Variants in PHF21A observed in about 807,000 individuals in gnomAD.
The protein encoded by PHF21A is BHC80a.
A neutral mutation model predicts 82.5 loss-of-function variants in PHF21A; 11 were observed. The ratio of observed to expected loss-of-function variants is 0.13; its 90% CI spans 0.08 to 0.22. The LOEUF is 0.22. PHF21A is among the 10% of genes least tolerant of loss of function. The pLI, the probability that PHF21A is intolerant of heterozygous loss-of-function variation, is 1.00. For missense variants in PHF21A, 579 were observed against 837.8 expected (o/e 0.69, Z 3.81); for synonymous variants, 297 against 302.8 (o/e 0.98, Z 0.20).
At chr11:45,977,694 C>A (rs2094102455) in intron 7 of PHF21A, among the ~76,000 whole-genome samples, 1 of 152,114 alleles carries the variant, frequency 6.6e-6, no homozygotes, top group Non-Finnish European at 1.5e-5. Context: ...GTTTTGAATG[C>A]CTAATTTCCA....
intron 6 of PHF21A, among the ~76,000 whole-genome samples, chr11:46,066,541 A>C (rs548422828): frequency 6.6e-6 from 1 of 152,206 alleles, no homozygotes; most frequent in Admixed American, 6.5e-5. Context: ...CTAAAAAAAT[A>C]AAAATAAATT....
chr11:45,981,999 C>T (rs1005048037), intron 6 of PHF21A, among the ~76,000 whole-genome samples: 3 of 140,858 alleles, frequency 2.1e-5, no homozygotes, highest in African/African-American at 8.0e-5. Context: ...CTCTGTCACC[C>T]AGGCTGGAGT....
intron 6 of PHF21A, among the ~76,000 whole-genome samples, chr11:46,031,928 G>A (rs1047728828): frequency 5.3e-5 from 8 of 152,126 alleles, no homozygotes; most frequent in African/African-American, 1.9e-4. Flanking sequence ...GGATTGGATT[G>A]GGCCACACAG....
intron 7 of PHF21A, among the ~76,000 whole-genome samples, chr11:45,973,232 G>C (rs2093861156): frequency 6.6e-6 from 1 of 152,208 alleles, no homozygotes; most frequent in Admixed American, 6.5e-5. Flanking sequence ...ACTGGACAGT[G>C]GAGATAGACG....
At chr11:45,983,004 A>C (rs189530995) in intron 6 of PHF21A, among the ~76,000 whole-genome samples, 41 of 152,332 alleles carry the variant, frequency 2.7e-4, no homozygotes, top group Admixed American at 7.2e-4. Context: ...GCTAAAGTAC[A>C]CTAGAAGCAA....
At chr11:45,989,351 G>C (rs1028572820) in intron 6 of PHF21A, among the ~76,000 whole-genome samples, 1 of 151,960 alleles carries the variant, frequency 6.6e-6, no homozygotes, top group Non-Finnish European at 1.5e-5. Context: ...AAACAAATTT[G>C]GTTAAAAATT....
intron 10 of PHF21A, among the ~76,000 whole-genome samples, chr11:45,956,919 C>T (rs2092684565): frequency 2.6e-5 from 4 of 152,010 alleles, no homozygotes; most frequent in Non-Finnish European, 4.4e-5. Flanking sequence ...GTAAGAGAGA[C>T]TCATTTTAGA....
At chr11:46,049,899 A>T (rs2096324056) in intron 6 of PHF21A, among the ~76,000 whole-genome samples, 1 of 152,242 alleles carries the variant, frequency 6.6e-6, no homozygotes, top group African/African-American at 2.4e-5. Flanking sequence ...GAATCAAGAG[A>T]TTAAGTACTA....
At chr11:46,020,591 C>G (rs2095608539) in intron 6 of PHF21A, among the ~76,000 whole-genome samples, 1 of 152,148 alleles carries the variant, frequency 6.6e-6, no homozygotes, top group Non-Finnish European at 1.5e-5. Context: ...AAAATACTAT[C>G]CTCTTCGGTC....
chr11:46,010,969 CTT>C (rs1433805716), intron 6 of PHF21A, among the ~76,000 whole-genome samples: 1 of 152,128 alleles, frequency 6.6e-6, no homozygotes, highest in Non-Finnish European at 1.5e-5. Context: ...AAAACTTTCT[CTT>C]TCTCTCTCTC....
intron 6 of PHF21A, among the ~76,000 whole-genome samples, chr11:46,072,504 C>T (rs1478720249): frequency 6.6e-6 from 1 of 152,224 alleles, no homozygotes; most frequent in African/African-American, 2.4e-5. Context: ...GAACCACTCT[C>T]AGCAGCCCTA....
intron 1 of PHF21A, chr11:46,117,846 T>A (rs1851787486): frequency 6.6e-6 from 1 of 152,302 alleles, no homozygotes; most frequent in South Asian, 2.1e-4. Flanking sequence ...CAATCGCACA[T>A]CTACTTTGTA....
chr11:46,108,567 G>GTATATATATATA (rs146891624), intron 1 of PHF21A, among the ~76,000 whole-genome samples: 142 of 62,228 alleles, frequency 2.3e-3, no homozygotes, highest in East Asian at 0.013. Flanking sequence ...GTGTGTGTGT[G>GTATATATATATA]TATATATATA....
In PHF21A at chr11:46,092,239, G is replaced by A. The variant is rs1372646662; in HGVS notation, c.-236-16C>T. On this transcript the variant is annotated splice_polypyrimidine_tract_variant and intron_variant, in intron 1 of 18. Transcript: ENST00000676320. ...CTCTAGCCCCCTATAACAGAAGAAC[G>A]GGAAAATGGAATTAGACAACACACA... is the stretch of plus-strand genomic sequence containing the variant. 2 of 152,014 alleles carry A rather than the reference G, an allele frequency of 1.3e-5. No individual in the cohort carries two copies. Among genetic ancestry groups the A allele is most frequent in the Admixed American group, 6.6e-5 (1 of 15,252 alleles). 9.4% of individuals were successfully genotyped at this position (152,014 alleles called of 1,614,324 possible). A position where few individuals can be genotyped will look rare whatever the true frequency, so the allele number is the denominator to read the frequency against.
At chr11:46,030,660 C>A (rs1250446156) in intron 6 of PHF21A, among the ~76,000 whole-genome samples, 2 of 152,136 alleles carry the variant, frequency 1.3e-5, no homozygotes, top group African/African-American at 2.4e-5. Flanking sequence ...TTTTAAACAA[C>A]TGCATCATAA....
chr11:45,938,199 T>C lies in PHF21A; in HGVS notation c.1566A>G (p.Thr522=). 2 of 1,606,854 alleles carry C rather than the reference T, an allele frequency of 1.2e-6. No homozygotes were observed. Among genetic ancestry groups the C allele is most frequent in the South Asian group, 1.1e-5 (1 of 88,984 alleles). The part of the protein sequence containing the change: ...HLDCLDPPLK[T]IPKGMWICPR... ...GACAGATCCACATGCCCTTGGGAAT[T>C]GTTTTCAGAGGGGGGTCTAAGCAGT... The change falls in exon 16 of 19, where the codon ACA becomes ACG. Residue 522 remains threonine, a synonymous_variant. Coordinates refer to ENST00000676320, the MANE Select transcript of PHF21A (RefSeq NM_001352027.3).
intron 6 of PHF21A, among the ~76,000 whole-genome samples, chr11:46,018,597 C>T (rs142518869): frequency 3.0e-3 from 457 of 152,342 alleles, no homozygotes; most frequent in Middle Eastern, 0.017. Flanking sequence ...TTAAATCCCA[C>T]TAACCTATTT....
chr11:45,934,260 G>A (rs1334523806), intron 18 of PHF21A, 35 bp from the exon 19 acceptor site: 4 of 1,592,876 alleles, frequency 2.5e-6, no homozygotes, highest in Non-Finnish European at 3.4e-6. Flanking sequence ...GCACTGAGCC[G>A]CCTGGTTTCT....
rs1226695665 is a variant in PHF21A at position 46,106,471 on chromosome 11, A to G, written c.-236-14248T>C. The stretch of plus-strand genomic sequence containing the variant: ...AACGGCATCTGTTCCTTTCAGAAAA[A>G]GAATTCTGCTCTGAGGTGTTGGGGG... On this transcript the variant is annotated intron_variant, in intron 1 of 18. Transcript: ENST00000676320. Among the ~76,000 whole-genome samples, 5 of 152,218 alleles carry G rather than the reference A, an allele frequency of 3.3e-5. No individual in the cohort carries two copies. In the East Asian group the frequency reaches 9.6e-4, roughly 29 times the overall value.
Sources: gnomAD v4.1 joint callset for allele counts (sites outside exome capture counted in the v4.1 genomes callset) on GRCh38, gnomAD v4.1.1 for gene constraint, MANE v1.5 for transcripts, NCBI Gene and HGNC (gene_info 2026-07-23, HGNC 2026-07-21) for gene names.